Variants in NDUFAF7 observed in about 807,000 individuals in gnomAD.
NDUFAF7 encodes NADH:ubiquinone oxidoreductase complex assembly factor 7.
A neutral mutation model predicts 47.2 loss-of-function variants in NDUFAF7; 48 were observed. That is an observed-to-expected ratio of 1.02 (90% CI 0.81 to 1.29). NDUFAF7 has a LOEUF of 1.29. Ranked by LOEUF, NDUFAF7 falls within the 50% of genes most tolerant of loss-of-function variation. The pLI is 0.00. For synonymous variants in NDUFAF7, 217 were observed against 190.0 expected (o/e 1.14, Z -1.17); for missense variants, 635 against 537.6 (o/e 1.18, Z -1.79).
chr2:37,258,766 C>A, the NDUFAF7 span, among the ~76,000 whole-genome samples: 1 of 152,114 alleles, frequency 6.6e-6, no homozygotes, highest in Non-Finnish European at 1.5e-5. Flanking sequence ...TTTAATATAT[C>A]TTTTTATTTG....
At chr2:37,232,707 T>A (rs1665296818) in intron 2 of NDUFAF7, among the ~76,000 whole-genome samples, 1 of 152,162 alleles carries the variant, frequency 6.6e-6, no homozygotes, top group African/African-American at 2.4e-5. Flanking sequence ...GAAAGTCGTC[T>A]GTGTTGGAAT....
intron 9 of NDUFAF7, 58 bp from the exon 10 acceptor site, chr2:37,248,077 C>T: frequency 7.5e-7 from 1 of 1,338,196 alleles, no homozygotes. Context: ...AGTATTGCTG[C>T]ATGTAACTAG....
chr2:37,245,419 T>C (rs141975299), intron 7 of NDUFAF7, among the ~76,000 whole-genome samples: 1 of 152,356 alleles, frequency 6.6e-6, no homozygotes, highest in Non-Finnish European at 1.5e-5. Context: ...TAGTGTGATT[T>C]TGCTTTTTAA....
chr2:37,261,617 C>T, the NDUFAF7 span, among the ~76,000 whole-genome samples: 2 of 151,608 alleles, frequency 1.3e-5, no homozygotes, highest in African/African-American at 4.9e-5. Context: ...CTAGTCTCTA[C>T]TAAAAATACA....
downstream of NDUFAF7, chr2:37,253,039 G>C (rs1667640755): frequency 2.4e-6 from 2 of 851,032 alleles, no homozygotes; most frequent in South Asian, 4.5e-5. Context: ...ATGAACTACA[G>C]TACTGGTGTC....
downstream of NDUFAF7, chr2:37,254,313 T>C: frequency 6.3e-7 from 1 of 1,589,226 alleles, no homozygotes; most frequent in South Asian, 1.1e-5. Flanking sequence ...CAAAACAAGA[T>C]ACATGAATTT....
intron 2 of NDUFAF7, among the ~76,000 whole-genome samples, chr2:37,235,025 A>G (rs1005136282): frequency 3.3e-5 from 5 of 152,218 alleles, no homozygotes; most frequent in African/African-American, 9.6e-5. Context: ...GGATATGAAG[A>G]TAAATAAGGC....
chr2:37,248,089 A>T, intron 9 of NDUFAF7, 46 bp from the exon 10 acceptor site: 1 of 1,449,084 alleles, frequency 6.9e-7, no homozygotes, highest in Non-Finnish European at 9.6e-7. Flanking sequence ...TGTAACTAGG[A>T]ATCCTGTCTT....
chr2:37,246,459 A>T (rs1666908184), intron 8 of NDUFAF7, among the ~76,000 whole-genome samples: 1 of 152,206 alleles, frequency 6.6e-6, no homozygotes, highest in Non-Finnish European at 1.5e-5. Context: ...CCAGATAAGC[A>T]GCTGAATAAT....
In NDUFAF7 at chr2:37,234,227, T is replaced by A. The variant is rs536085788; in HGVS notation, c.217-1869T>A. ...GCCTCAGCCTCCCGAGTAGTTGGGATTACAGGTGTATGTTTCCATGCCCAG... is the reference window on the plus strand; with the variant it reads ...GCCTCAGCCTCCCGAGTAGTTGGGAATACAGGTGTATGTTTCCATGCCCAG... On this transcript the variant is annotated intron_variant, in intron 2 of 9. Transcript: ENST00000002125. 2.0e-3 allele frequency among the ~76,000 whole-genome samples: 305 copies of A among 152,248 alleles called. 2 individuals are homozygous for A. The highest frequency in any genetic ancestry group is 4.1e-3 in the Admixed American group (62 of 15,288).
At chr2:37,231,990 G>A in intron 1 of NDUFAF7, 116 bp from the exon 2 acceptor site, 1 of 1,603,900 alleles carries the variant, frequency 6.2e-7, no homozygotes, top group Non-Finnish European at 8.5e-7. Flanking sequence ...GTAGCCCGCG[G>A]TCTGCGGTGG....
chr2:37,270,395 G>A, the NDUFAF7 span, among the ~76,000 whole-genome samples: 19,926 of 147,404 alleles, frequency 0.14, 1,505 homozygotes, highest in South Asian at 0.27. Context: ...ACTGGGATTA[G>A]CCTAACTTTG....
At chr2:37,264,347 A>G in the NDUFAF7 span, among the ~76,000 whole-genome samples, 1 of 152,226 alleles carries the variant, frequency 6.6e-6, no homozygotes, top group Non-Finnish European at 1.5e-5. Flanking sequence ...ACCCAGTACT[A>G]TGTGGGTATT....
Position 37,248,188 on chromosome 2 carries a change from A to G in NDUFAF7, c.1164A>G (p.Gly388=), listed in dbSNP as rs1456623177. The change falls in exon 10 of 10, where the codon GGA becomes GGG. Residue 388 remains glycine (G), a synonymous_variant. Transcript: ENST00000002125. ...CAGTGAGGCAGCAGTTACTTCAAGGATATGATATGTTAATGAATCCAAAGA... is the reference window on the plus strand; with the variant it reads ...CAGTGAGGCAGCAGTTACTTCAAGGGTATGATATGTTAATGAATCCAAAGA... ...EPSVRQQLLQ[G]YDMLMNPKKM... The G allele has an allele frequency of 2.5e-6, 4 of 1,614,042 alleles. No homozygotes were observed. The highest frequency in any genetic ancestry group is 4.5e-5 in the East Asian group (2 of 44,870).
intron 6 of NDUFAF7, among the ~76,000 whole-genome samples, chr2:37,243,544 A>C (rs1363807402): frequency 1.3e-5 from 2 of 152,190 alleles, no homozygotes; most frequent in Non-Finnish European, 2.9e-5. Flanking sequence ...TGTGAGGAGA[A>C]GAGCAGCTCT....
chr2:37,259,492 A>C, the NDUFAF7 span: 18 of 886,902 alleles, frequency 2.0e-5, no homozygotes, highest in Non-Finnish European at 3.0e-5. Context: ...ATGCATTTTT[A>C]ACCAACAGTA....
the NDUFAF7 span, chr2:37,260,322 A>C: frequency 6.2e-7 from 1 of 1,609,734 alleles, no homozygotes; most frequent in East Asian, 2.2e-5. Context: ...CCATTACTAC[A>C]AAGACTCGTT....
downstream of NDUFAF7, chr2:37,254,226 G>T: frequency 6.2e-7 from 1 of 1,612,084 alleles, no homozygotes; most frequent in Non-Finnish European, 8.5e-7. Flanking sequence ...ATGACTAAGA[G>T]ATTTGTCAAC....
At chr2:37,261,061 T>C in the NDUFAF7 span, among the ~76,000 whole-genome samples, 1 of 152,370 alleles carries the variant, frequency 6.6e-6, no homozygotes, top group East Asian at 1.9e-4. Context: ...TGGCTCTTTA[T>C]TTCTGGACAT....
Sources: gnomAD v4.1 joint callset for allele counts (sites outside exome capture counted in the v4.1 genomes callset) on GRCh38, gnomAD v4.1.1 for gene constraint, MANE v1.5 for transcripts, NCBI Gene and HGNC (gene_info 2026-07-23, HGNC 2026-07-21) for gene names.